The following SDC3 variants were observed in gnomAD, a reference collection of about 807,000 sequenced individuals.
SDC3 encodes the protein syndecan-3.
In SDC3, 13 loss-of-function variants were observed where a neutral mutation model predicts 24.4. That is an observed-to-expected ratio of 0.53 (90% CI 0.35 to 0.85). The LOEUF is 0.85. Among genes scored for constraint, SDC3 ranks in the 40% least tolerant of loss-of-function variants. The pLI, the probability that SDC3 is intolerant of heterozygous loss-of-function variation, is 0.01. For synonymous variants in SDC3, 295 were observed against 260.9 expected (o/e 1.13, Z -1.26); for missense variants, 571 against 584.5 (o/e 0.98, Z 0.24).
At chr1:30,882,622 C>T (rs934257511) in intron 1 of SDC3, among the ~76,000 whole-genome samples, 9 of 152,182 alleles carry the variant, frequency 5.9e-5, no homozygotes, top group Admixed American at 5.9e-4. Flanking sequence ...AGCTAAGTCT[C>T]CTCACTTTCA....
At chr1:30,885,029 A>G (rs1639808176) in intron 1 of SDC3, among the ~76,000 whole-genome samples, 1 of 152,234 alleles carries the variant, frequency 6.6e-6, no homozygotes, top group Non-Finnish European at 1.5e-5. Flanking sequence ...AGGATGTAGG[A>G]AAATGCACAT....
intron 3 of SDC3, among the ~76,000 whole-genome samples, chr1:30,876,029 C>T (rs531212417): frequency 3.5e-4 from 53 of 152,326 alleles, no homozygotes; most frequent in South Asian, 1.7e-3. Context: ...ACCGTGATGA[C>T]GACAGCAGCT....
intron 1 of SDC3, among the ~76,000 whole-genome samples, chr1:30,902,458 G>A (rs1020936470): frequency 6.6e-6 from 1 of 152,168 alleles, no homozygotes; most frequent in African/African-American, 2.4e-5. Flanking sequence ...GTGAGGGTGT[G>A]GGGGGTGCCA....
At chr1:30,894,609 A>G (rs1391298278) in intron 1 of SDC3, among the ~76,000 whole-genome samples, 11 of 93,562 alleles carry the variant, frequency 1.2e-4, no homozygotes, top group Non-Finnish European at 1.7e-4. Context: ...GTGTGTGTGG[A>G]TGAGTGTGAG....
intron 1 of SDC3, among the ~76,000 whole-genome samples, chr1:30,903,409 A>T (rs1051172526): frequency 6.6e-6 from 1 of 152,028 alleles, no homozygotes; most frequent in Non-Finnish European, 1.5e-5. Flanking sequence ...TCCCTTCCGC[A>T]TACACATGTG....
In SDC3 at chr1:30,905,356, A is replaced by AACACACACACAC. The variant is rs74721441; in HGVS notation, c.138+3081_138+3092dup. On this transcript the variant is annotated intron_variant, in intron 1 of 4. Coordinates refer to ENST00000339394, the MANE Select transcript of SDC3 (RefSeq NM_014654.4). ...CCATCCGTACTCTCTCTCTCTCACA[A>AACACACACACAC]ACACACACACACACACACACACACA... Among the ~76,000 whole-genome samples, 169 of 77,298 alleles carry AACACACACACAC rather than the reference A, an allele frequency of 2.2e-3. 2 individuals are homozygous for AACACACACACAC. The highest frequency in any genetic ancestry group is 2.7e-3 in the Non-Finnish European group (111 of 41,352). The allele number at this position is 77,298 out of a possible 152,430, so 50.7% of individuals were successfully genotyped here.
At chr1:30,892,713 C>T (rs1639924862) in intron 1 of SDC3, among the ~76,000 whole-genome samples, 1 of 152,182 alleles carries the variant, frequency 6.6e-6, no homozygotes, top group African/African-American at 2.4e-5. Context: ...GTGAGCAGAG[C>T]AGTGTGCTGG....
chr1:30,903,154 A>G (rs1486541299), intron 1 of SDC3, among the ~76,000 whole-genome samples: 2 of 152,162 alleles, frequency 1.3e-5, no homozygotes, highest in African/African-American at 4.8e-5. Context: ...GCCAGAGAGA[A>G]TCTTGGCTGC....
In SDC3 at chr1:30,908,474, AG is replaced by A; in HGVS notation, c.112del (p.Leu38CysfsTer66). On this transcript the variant is annotated frameshift_variant, in exon 1 of 5. Coordinates refer to ENST00000339394, the MANE Select transcript of SDC3 (RefSeq NM_014654.4). LOFTEE classifies it high-confidence loss of function. The part of the protein sequence containing the change: ...RGLLLPPLLL[L>X]LLAGRAAGAQ... ...CCCCGCGGCGCGCCCCGCCAGCAGCAGCAGCAGCAGCGGTGGCAGGAGCAGC... is the reference window on the plus strand; with the variant it reads ...CCCCGCGGCGCGCCCCGCCAGCAGCACAGCAGCAGCGGTGGCAGGAGCAGC... 1 of 1,029,202 alleles carries A rather than the reference AG, an allele frequency of 9.7e-7. No individual in the cohort carries two copies. Among genetic ancestry groups the A allele is most frequent in the Non-Finnish European group, 1.2e-6 (1 of 856,546 alleles). 63.8% of individuals were successfully genotyped at this position (1,029,202 alleles called of 1,614,324 possible). A position where few individuals can be genotyped will look rare whatever the true frequency, so the allele number is the denominator to read the frequency against.
chr1:30,887,696 C>G (rs959564559), intron 1 of SDC3, among the ~76,000 whole-genome samples: 2 of 152,190 alleles, frequency 1.3e-5, no homozygotes, highest in Non-Finnish European at 2.9e-5. Context: ...GTGACTGGGT[C>G]TGTGTGGTCA....
At chr1:30,873,466 A>AGGGCT in intron 4 of SDC3, 89 bp from the exon 5 acceptor site, 1 of 863,374 alleles carries the variant, frequency 1.2e-6, no homozygotes, top group Non-Finnish European at 1.9e-6. Flanking sequence ...GGGTGAGGAG[A>AGGGCT]GGGCTGGGAG....
At chr1:30,893,842 G>A (rs554865405) in intron 1 of SDC3, among the ~76,000 whole-genome samples, 10 of 152,148 alleles carry the variant, frequency 6.6e-5, no homozygotes, top group East Asian at 1.9e-4. Context: ...CTAGCCTGCC[G>A]GCATCCAGAG....
intron 1 of SDC3, among the ~76,000 whole-genome samples, chr1:30,892,366 G>A (rs1329201713): frequency 6.6e-6 from 1 of 152,088 alleles, no homozygotes; most frequent in Non-Finnish European, 1.5e-5. Context: ...ACACCAGCTT[G>A]GCCCCCTCCC....
In SDC3 at chr1:30,873,045, G is replaced by A. The variant is rs3766285; in HGVS notation, c.*166C>T. The A allele has an allele frequency of 0.087, 55,903 of 643,326 alleles. 2,611 individuals are homozygous for A. The highest frequency in any genetic ancestry group is 0.12 in the African/African-American group (6,537 of 55,264). 39.9% of individuals were successfully genotyped at this position (643,326 alleles called of 1,614,324 possible). A position where few individuals can be genotyped will look rare whatever the true frequency, so the allele number is the denominator to read the frequency against. On this transcript the variant is annotated 3_prime_UTR_variant, in exon 5 of 5. Coordinates refer to ENST00000339394, the MANE Select transcript of SDC3 (RefSeq NM_014654.4). ...CAGATGGCAGCAGCCCCTCTTCCTC[G>A]GGGAAGATCTGTGTGAGGCTGGCAG...
At position 30,871,549 on chromosome 1, in the gene SDC3, C is replaced by T. The variant is rs1386492632; in HGVS notation, c.*1662G>A. ...GCAGGGGCTGCTTCCAGCCATGGCCCCTGAAGCTGCAGCCAGAATTGTTTG... is the reference window on the plus strand; with the variant it reads ...GCAGGGGCTGCTTCCAGCCATGGCCTCTGAAGCTGCAGCCAGAATTGTTTG... On this transcript the variant is annotated 3_prime_UTR_variant, in exon 5 of 5. Coordinates refer to ENST00000339394, the MANE Select transcript of SDC3 (RefSeq NM_014654.4). The T allele has an allele frequency of 6.6e-6, 1 of 152,324 alleles. No individual in the cohort carries two copies. Among genetic ancestry groups the T allele is most frequent in the Non-Finnish European group, 1.5e-5 (1 of 68,128 alleles). The allele number at this position is 152,324 out of a possible 1,614,324, so 9.4% of individuals were successfully genotyped here.
intron 1 of SDC3, among the ~76,000 whole-genome samples, chr1:30,908,241 T>C (rs1372196591): frequency 3.3e-5 from 4 of 120,426 alleles, no homozygotes; most frequent in Admixed American, 1.7e-4. Flanking sequence ...GGATGCCAGC[T>C]AGGGGGAGAT....
chr1:30,894,414 GT>G (rs1368094787), intron 1 of SDC3, among the ~76,000 whole-genome samples: 5 of 120,234 alleles, frequency 4.2e-5, no homozygotes, highest in African/African-American at 1.7e-4. Context: ...GAATGTGTGT[GT>G]GGGGGTGAGT....
In SDC3 at chr1:30,871,664, G is replaced by A. The variant is rs998291435; in HGVS notation, c.*1547C>T. 48 of 152,458 alleles carry A rather than the reference G, an allele frequency of 3.1e-4. 1 individual carries two copies. The highest frequency in any genetic ancestry group is 2.9e-5 in the Non-Finnish European group (2 of 68,224). 9.4% of individuals were successfully genotyped at this position (152,458 alleles called of 1,614,324 possible). A position where few individuals can be genotyped will look rare whatever the true frequency, so the allele number is the denominator to read the frequency against. On this transcript the variant is annotated 3_prime_UTR_variant, in exon 5 of 5. Transcript: ENST00000339394. ...CAGGCAGAGGGCAGAGGGTGCGGAG[G>A]GCCCGCCCTCACAGGCACTTTGGAG...
intron 3 of SDC3, 44 bp downstream of exon 3, chr1:30,876,508 C>CAACCACCA: frequency 6.8e-7 from 1 of 1,465,386 alleles, no homozygotes; most frequent in African/African-American, 1.4e-5. Flanking sequence ...TCCCCTGACC[C>CAACCACCA]ACCCTCCTCC....
Sources: allele counts gnomAD v4.1 joint callset (sites outside exome capture counted in the v4.1 genomes callset), GRCh38; gene constraint gnomAD v4.1.1; transcripts MANE v1.5; gene names NCBI Gene and HGNC (gene_info 2026-07-23, HGNC 2026-07-21).